Variants in CTNND2 observed in about 807,000 individuals in gnomAD.
CTNND2 encodes the protein catenin delta 2, also known as catenin delta-2.
Under a neutral mutation model 144.4 loss-of-function variants are expected in CTNND2, and 22 were observed. The ratio of observed to expected loss-of-function variants is 0.15; its 90% confidence interval spans 0.11 to 0.22. The LOEUF (loss-of-function observed/expected upper bound fraction) is 0.22. Among genes scored for constraint, CTNND2 ranks in the 10% least tolerant of loss-of-function variants. CTNND2 has a pLI of 1.00. For synonymous variants in CTNND2, 751 were observed against 695.6 expected, an observed-to-expected ratio of 1.08 and a Z score of -1.25; for missense variants, 1,353 against 1,618.8, an observed-to-expected ratio of 0.84 and a Z score of 2.82.
chr5:11,494,290 C>A (rs914333487), intron 3 of CTNND2, among the ~76,000 whole-genome samples: 1 of 152,080 alleles, frequency 6.6e-6, no homozygotes, highest in African/African-American at 2.4e-5. Context: ...CATGATGGAC[C>A]TTTTGGTCTC....
intron 3 of CTNND2, among the ~76,000 whole-genome samples, chr5:11,475,077 G>A (rs1466176595): frequency 6.6e-6 from 1 of 152,230 alleles, no homozygotes; most frequent in African/African-American, 2.4e-5. Flanking sequence ...GAGGTTATAA[G>A]TCAAGTGTGT....
At chr5:11,231,077 T>A (rs143549931) in intron 10 of CTNND2, among the ~76,000 whole-genome samples, 23 of 152,290 alleles carry the variant, frequency 1.5e-4, no homozygotes, top group African/African-American at 5.3e-4. Context: ...GTTCTCGTGA[T>A]AATGAGTGAG....
intron 1 of CTNND2, among the ~76,000 whole-genome samples, chr5:11,737,647 T>C (rs961656763): frequency 2.0e-5 from 3 of 152,196 alleles, no homozygotes; most frequent in African/African-American, 7.2e-5. Context: ...AGAACTGTGT[T>C]CCCCAAATTC....
chr5:11,453,216 A>T (rs1765443783), intron 3 of CTNND2, among the ~76,000 whole-genome samples: 1 of 152,228 alleles, frequency 6.6e-6, no homozygotes, highest in Non-Finnish European at 1.5e-5. Context: ...CTTAACAGAC[A>T]CAACTATTCT....
At chr5:11,702,398 A>G (rs942100689) in intron 2 of CTNND2, among the ~76,000 whole-genome samples, 2 of 152,168 alleles carry the variant, frequency 1.3e-5, no homozygotes, top group Middle Eastern at 3.2e-3. Context: ...CTATTGCCCT[A>G]TAGTTACATG....
chr5:11,236,551 C>G (rs558099746), intron 10 of CTNND2, 140 bp downstream of exon 10: 3 of 930,926 alleles, frequency 3.2e-6, no homozygotes, highest in Non-Finnish European at 4.9e-6. Flanking sequence ...ATGAAACATG[C>G]TATGTTCTAG....
intron 3 of CTNND2, among the ~76,000 whole-genome samples, chr5:11,526,583 A>G (rs911364978): frequency 6.6e-6 from 1 of 152,168 alleles, no homozygotes; most frequent in African/African-American, 2.4e-5. Flanking sequence ...AGTTTGCCAC[A>G]CGCCAGCCCT....
chr5:11,527,127 A>G (rs1773323170), intron 3 of CTNND2, among the ~76,000 whole-genome samples: 1 of 152,198 alleles, frequency 6.6e-6, no homozygotes, highest in Non-Finnish European at 1.5e-5. Flanking sequence ...AGATGAAAAA[A>G]TTCTGGAAAT....
intron 11 of CTNND2, among the ~76,000 whole-genome samples, chr5:11,173,099 T>C (rs964720312): frequency 6.6e-6 from 1 of 152,266 alleles, no homozygotes; most frequent in African/African-American, 2.4e-5. Flanking sequence ...TCTGGCACTG[T>C]ATACAGTCAG....
At chr5:11,619,710 TA>T (rs909789885) in intron 2 of CTNND2, among the ~76,000 whole-genome samples, 1 of 152,204 alleles carries the variant, frequency 6.6e-6, no homozygotes, top group African/African-American at 2.4e-5. Flanking sequence ...GCTGAGTTTA[TA>T]AAAATGACAT....
chr5:11,733,227 G>A (rs1787492821), intron 1 of CTNND2, among the ~76,000 whole-genome samples: 1 of 152,170 alleles, frequency 6.6e-6, no homozygotes, highest in Admixed American at 6.5e-5. Flanking sequence ...CTGAGGCCTG[G>A]ACTTGCAATT....
At chr5:11,586,826 A>G (rs1401364104) in intron 2 of CTNND2, among the ~76,000 whole-genome samples, 2 of 152,182 alleles carry the variant, frequency 1.3e-5, no homozygotes, top group Non-Finnish European at 2.9e-5. Flanking sequence ...ATGGCATTAG[A>G]AAATTCTCAC....
intron 2 of CTNND2, among the ~76,000 whole-genome samples, chr5:11,625,538 A>C (rs1269777126): frequency 1.3e-5 from 2 of 152,150 alleles, no homozygotes; most frequent in African/African-American, 4.8e-5. Context: ...AAGGGAACAA[A>C]ATCTTTGCAA....
chr5:11,122,993 G>A (rs906242891), intron 12 of CTNND2, among the ~76,000 whole-genome samples: 2 of 152,136 alleles, frequency 1.3e-5, no homozygotes, highest in African/African-American at 4.8e-5. Context: ...AGGAGAGGCT[G>A]TCTGGGGTTC....
chr5:11,519,233 C>G (rs1772493477), intron 3 of CTNND2, among the ~76,000 whole-genome samples: 1 of 152,162 alleles, frequency 6.6e-6, no homozygotes, highest in Non-Finnish European at 1.5e-5. Context: ...CAATTTACAG[C>G]TTCTTTTTAA....
intron 11 of CTNND2, among the ~76,000 whole-genome samples, chr5:11,169,955 C>T (rs1290582707): frequency 6.6e-6 from 1 of 152,144 alleles, no homozygotes; most frequent in Admixed American, 6.5e-5. Context: ...TTGAAAAAAA[C>T]ACAACACAAA....
rs1758543101 is a variant in CTNND2, at chr5:11,159,440, T to C, written c.2159+136A>G. On this transcript the variant is annotated intron_variant, in intron 12 of 21. Transcript: ENST00000304623. Reference sequence around the variant, plus strand: ...TAGAAAATTTAAAATTAACTTCTTATACTCCGTTGCCACATCAACATTCAT... The same window carrying C: ...TAGAAAATTTAAAATTAACTTCTTACACTCCGTTGCCACATCAACATTCAT... The C allele has an allele frequency of 6.2e-6, 4 of 647,046 alleles. No individual in the cohort carries two copies. The East Asian group carries it at 1.2e-4, about 19-fold the overall frequency. 40.1% of individuals were successfully genotyped at this position (647,046 alleles called of 1,614,324 possible).
chr5:11,484,705 T>C (rs1768634690), intron 3 of CTNND2, among the ~76,000 whole-genome samples: 1 of 152,208 alleles, frequency 6.6e-6, no homozygotes, highest in Admixed American at 6.5e-5. Context: ...GCAGAAAGTT[T>C]CCATATGCAT....
At position 10,992,144 on chromosome 5, in the gene CTNND2, C is replaced by A. The variant is rs1295564868; in HGVS notation, c.3211+407G>T. On this transcript the variant is annotated intron_variant, in intron 19 of 21. Coordinates refer to ENST00000304623, the MANE Select transcript of CTNND2 (RefSeq NM_001332.4). ...TGTTGCCCAGGATGGTTTCGAACTC[C>A]CGAGCTCAGGCAATCCGCCTGCCTC... Among the ~76,000 whole-genome samples the A allele has an allele frequency of 3.3e-5, 5 of 152,150 alleles. No homozygotes were observed. In the East Asian group the frequency reaches 9.6e-4, roughly 29 times the overall value.
Sources: allele counts gnomAD v4.1 joint callset (sites outside exome capture counted in the v4.1 genomes callset), GRCh38; gene constraint gnomAD v4.1.1; transcripts MANE v1.5; gene names NCBI Gene and HGNC (gene_info 2026-07-23, HGNC 2026-07-21).